KCNN3: variants seen among roughly 807,000 people sequenced by gnomAD.
KCNN3 encodes the protein potassium calcium-activated channel subfamily N member 3.
KCNN3 carries 16 observed loss-of-function variants against 62.9 expected under a neutral mutation model. The observed-to-expected ratio is 0.25, with a 90% CI of 0.17 to 0.39. The LOEUF (loss-of-function observed/expected upper bound fraction) is 0.39. Among genes scored for constraint, KCNN3 ranks in the 10% least tolerant of loss-of-function variants. The pLI, the probability that KCNN3 is intolerant of heterozygous loss-of-function variation, is 1.00. For synonymous variants in KCNN3, 370 were observed against 389.2 expected (o/e 0.95, Z 0.58); for missense variants, 599 against 949.4 (o/e 0.63, Z 4.85).
chr1:154,797,313 G>C (rs1033112490), intron 2 of KCNN3, among the ~76,000 whole-genome samples: 2 of 152,182 alleles, frequency 1.3e-5, no homozygotes, highest in Non-Finnish European at 1.5e-5. Context: ...GGCAGAGTAG[G>C]GTTCGAATTC....
intron 3 of KCNN3, among the ~76,000 whole-genome samples, chr1:154,744,419 A>G (rs1392935544): frequency 1.3e-5 from 2 of 152,216 alleles, no homozygotes; most frequent in East Asian, 3.8e-4. Flanking sequence ...TTCGGCTGCT[A>G]AAGATGGCAA....
At chr1:154,786,443 A>C (rs1385290836) in intron 2 of KCNN3, among the ~76,000 whole-genome samples, 1 of 152,260 alleles carries the variant, frequency 6.6e-6, no homozygotes, top group African/African-American at 2.4e-5. Context: ...TGGTACTCAT[A>C]CTGGGGAACA....
intron 2 of KCNN3, among the ~76,000 whole-genome samples, chr1:154,777,442 A>C (rs1236560959): frequency 1.3e-5 from 2 of 152,204 alleles, no homozygotes; most frequent in Non-Finnish European, 2.9e-5. Flanking sequence ...ACCACCCAGA[A>C]TGGAAATTCC....
intron 1 of KCNN3, among the ~76,000 whole-genome samples, chr1:154,853,826 C>A (rs578096984): frequency 3.9e-5 from 6 of 152,132 alleles, no homozygotes; most frequent in Non-Finnish European, 7.4e-5. Context: ...TGCCTGCAAT[C>A]CCAGCTACTC....
At chr1:154,854,880 A>G (rs1652457037) in intron 1 of KCNN3, among the ~76,000 whole-genome samples, 1 of 152,210 alleles carries the variant, frequency 6.6e-6, no homozygotes. Context: ...GTGCAATTGT[A>G]TAATGTGTTT....
intron 6 of KCNN3, 107 bp from the exon 7 acceptor site, chr1:154,713,640 A>G: frequency 1.1e-6 from 1 of 877,110 alleles, no homozygotes; most frequent in Non-Finnish European, 1.9e-6. Context: ...GGAACCCAGC[A>G]TGGGGACCGT....
intron 2 of KCNN3, among the ~76,000 whole-genome samples, chr1:154,803,425 T>C (rs1242428976): frequency 2.0e-5 from 3 of 152,246 alleles, no homozygotes; most frequent in Non-Finnish European, 4.4e-5. Context: ...CATTTGGGGA[T>C]GATCTGGTGT....
At position 154,737,800 on chromosome 1, in the gene KCNN3, T is replaced by C. The variant is rs543176039; in HGVS notation, c.1449-4656A>G. ...AGTTAGGCATTGTGGTGTGTGCCTG[T>C]ATCCCCCAGCTGCTCGGAGGCTGAG... On this transcript the variant is annotated intron_variant, in intron 3 of 7. Coordinates refer to ENST00000271915, the MANE Select transcript of KCNN3 (RefSeq NM_002249.6). Among the ~76,000 whole-genome samples, 77 of 152,368 alleles carry C rather than the reference T, an allele frequency of 5.1e-4. No homozygotes were observed. The South Asian group carries it at 0.015, about 29-fold the overall frequency.
At chr1:154,765,729 G>A (rs905263469) in intron 3 of KCNN3, among the ~76,000 whole-genome samples, 1 of 150,994 alleles carries the variant, frequency 6.6e-6, no homozygotes, top group Non-Finnish European at 1.5e-5. Flanking sequence ...CCCAGGTTAG[G>A]TGATCCCCCC....
intron 3 of KCNN3, among the ~76,000 whole-genome samples, chr1:154,755,877 T>TGAG (rs1252158181): frequency 3.0e-4 from 21 of 70,986 alleles, no homozygotes; most frequent in South Asian, 2.4e-3. Flanking sequence ...AAGAGGAAGA[T>TGAG]GAGGAGGAAG....
chr1:154,707,930 G>A lies in KCNN3; in HGVS notation c.*46C>T. 1 of 1,577,510 alleles carries A rather than the reference G, an allele frequency of 6.3e-7. No individual in the cohort carries two copies. Among genetic ancestry groups the A allele is most frequent in the Non-Finnish European group, 8.6e-7 (1 of 1,156,176 alleles). Reference sequence around the variant, plus strand: ...AAAGCGACCAGGAGAGAGTTGATTTGCATCTTAAGACCTATGGGTAATGCT... The same window carrying A: ...AAAGCGACCAGGAGAGAGTTGATTTACATCTTAAGACCTATGGGTAATGCT... On this transcript the variant is annotated 3_prime_UTR_variant, in exon 8 of 8. Coordinates refer to ENST00000271915, the MANE Select transcript of KCNN3 (RefSeq NM_002249.6).
chr1:154,848,715 T>C lies in KCNN3; in HGVS notation c.933+20317A>G, dbSNP rs542615647. Among the ~76,000 whole-genome samples the C allele has an allele frequency of 3.3e-5, 5 of 152,252 alleles. No homozygotes were observed. In the East Asian group the frequency reaches 9.6e-4, roughly 29 times the overall value. ...CTGTTGCCTCGGCTCAGAACACGCA[T>C]TCCCTTTTGCCTCATGAAGCCCTAC... is the stretch of plus-strand genomic sequence containing the variant. On this transcript the variant is annotated intron_variant, in intron 1 of 7. Coordinates refer to ENST00000271915, the MANE Select transcript of KCNN3 (RefSeq NM_002249.6).
chr1:154,726,935 G>A (rs1267259903), intron 4 of KCNN3, among the ~76,000 whole-genome samples: 2 of 152,308 alleles, frequency 1.3e-5, no homozygotes, highest in Admixed American at 6.5e-5. Flanking sequence ...CTAATCCTCT[G>A]GGTGCATACT....
chr1:154,863,968 C>A (rs79810698), intron 1 of KCNN3, among the ~76,000 whole-genome samples: 5,977 of 152,292 alleles, frequency 0.039, 178 homozygotes, highest in South Asian at 0.07. Flanking sequence ...ACAGACTGTC[C>A]ACAAAGATTA....
intron 1 of KCNN3, among the ~76,000 whole-genome samples, chr1:154,841,497 G>A (rs1651829231): frequency 6.6e-6 from 1 of 152,116 alleles, no homozygotes; most frequent in African/African-American, 2.4e-5. Flanking sequence ...GCCAAGTTAG[G>A]GGACCACTGA....
At chr1:154,830,684 T>C in intron 1 of KCNN3, among the ~76,000 whole-genome samples, 1 of 152,214 alleles carries the variant, frequency 6.6e-6, no homozygotes, top group African/African-American at 2.4e-5. Context: ...AGACGGAACC[T>C]GATGTCTGAG....
At chr1:154,735,350 G>A (rs1700689061) in intron 3 of KCNN3, among the ~76,000 whole-genome samples, 1 of 152,190 alleles carries the variant, frequency 6.6e-6, no homozygotes, top group Non-Finnish European at 1.5e-5. Flanking sequence ...CCAGTGGGTG[G>A]CACAGCATTA....
At chr1:154,808,854 C>T (rs759127559) in intron 2 of KCNN3, among the ~76,000 whole-genome samples, 10 of 152,302 alleles carry the variant, frequency 6.6e-5, no homozygotes, top group Admixed American at 1.3e-4. Flanking sequence ...CCCTTAGCTT[C>T]CTCCCCAGAT....
chr1:154,711,433 T>G (rs1700073111), intron 7 of KCNN3, among the ~76,000 whole-genome samples: 2 of 150,720 alleles, frequency 1.3e-5, no homozygotes, highest in Non-Finnish European at 1.5e-5. Flanking sequence ...ACATGGCACA[T>G]GTATACATAT....
Sources: gnomAD v4.1 joint callset for allele counts (sites outside exome capture counted in the v4.1 genomes callset) on GRCh38, gnomAD v4.1.1 for gene constraint, MANE v1.5 for transcripts, NCBI Gene and HGNC (gene_info 2026-07-23, HGNC 2026-07-21) for gene names.